The following PCGF3 variants were observed in gnomAD, a reference collection of about 807,000 sequenced individuals.
PCGF3 encodes the protein polycomb group ring finger 3.
Under a neutral mutation model 33.1 loss-of-function variants are expected in PCGF3, and 7 were observed. The ratio of observed to expected loss-of-function variants is 0.21; its 90% confidence interval spans 0.12 to 0.40. The LOEUF is 0.40. PCGF3 is among the 10% of genes least tolerant of loss of function. PCGF3 has a pLI of 1.00. For missense variants in PCGF3, 211 were observed against 313.3 expected (o/e 0.67, Z 2.46); for synonymous variants, 153 against 121.3 (o/e 1.26, Z -1.72).
At chr4:743,605 T>G (rs1744188292) in intron 7 of PCGF3, 21 bp downstream of exon 7, 2 of 1,418,096 alleles carry the variant, frequency 1.4e-6, no homozygotes, top group Non-Finnish European at 2.0e-6. Flanking sequence ...TGCGTGCCCA[T>G]CCAGAAGCCC....
At chr4:737,332 G>A (rs1182701847) in intron 5 of PCGF3, 134 bp from the exon 6 acceptor site, 3 of 662,686 alleles carry the variant, frequency 4.5e-6, no homozygotes, top group Admixed American at 2.3e-5. Context: ...ATTTTTTCAT[G>A]TGTAAACTAG....
At chr4:718,364 C>T (rs968629148) in intron 1 of PCGF3, among the ~76,000 whole-genome samples, 1 of 152,036 alleles carries the variant, frequency 6.6e-6, no homozygotes, top group African/African-American at 2.4e-5. Flanking sequence ...CCTGCGGGGC[C>T]TGGGTTGAGG....
chr4:755,740 T>A (rs1267598977), intron 8 of PCGF3, among the ~76,000 whole-genome samples: 1 of 151,138 alleles, frequency 6.6e-6, no homozygotes, highest in African/African-American at 2.4e-5. Context: ...GTTTCCACAC[T>A]CTCAGGTCCC....
At chr4:738,206 A>G (rs1743918193) in intron 6 of PCGF3, among the ~76,000 whole-genome samples, 1 of 152,216 alleles carries the variant, frequency 6.6e-6, no homozygotes, top group African/African-American at 2.4e-5. Flanking sequence ...TTCTCACTGT[A>G]TCTCAGAAGA....
intron 1 of PCGF3, among the ~76,000 whole-genome samples, chr4:727,854 A>G (rs1451096937): frequency 6.6e-6 from 1 of 152,072 alleles, no homozygotes; most frequent in Non-Finnish European, 1.5e-5. Context: ...TCATAGTGTG[A>G]GTTGGAAAAA....
chr4:742,631 C>G (rs1161808602), intron 6 of PCGF3, among the ~76,000 whole-genome samples: 1 of 152,198 alleles, frequency 6.6e-6, no homozygotes, highest in Admixed American at 6.5e-5. Flanking sequence ...TTGCTTTTCC[C>G]TGGAACCTGC....
intron 1 of PCGF3, among the ~76,000 whole-genome samples, chr4:723,366 T>C (rs543526461): frequency 4.3e-4 from 65 of 151,078 alleles, no homozygotes; most frequent in Non-Finnish European, 8.9e-5. Context: ...GGTGTGATCA[T>C]TGAGAGGAGG....
At chr4:740,858 G>C (rs1744058293) in intron 6 of PCGF3, among the ~76,000 whole-genome samples, 1 of 152,234 alleles carries the variant, frequency 6.6e-6, no homozygotes, top group South Asian at 2.1e-4. Flanking sequence ...GTGTGTGCCA[G>C]GAGTGTGCTG....
chr4:711,445 TTTTTTTTTC>T (rs777772988), intron 1 of PCGF3, among the ~76,000 whole-genome samples: 27,220 of 137,020 alleles, frequency 0.2, 2,822 homozygotes, highest in South Asian at 0.27. Flanking sequence ...TAATTTTTCT[TTTTTTTTTC>T]TTTTTTTTTT....
chr4:765,311 T>G (rs997444302), intron 10 of PCGF3, among the ~76,000 whole-genome samples: 1 of 152,048 alleles, frequency 6.6e-6, no homozygotes, highest in African/African-American at 2.4e-5. Flanking sequence ...TGGGCACCTG[T>G]AGTCTCAGCT....
chr4:753,639 G>A (rs1312031283), intron 8 of PCGF3, among the ~76,000 whole-genome samples: 1 of 144,718 alleles, frequency 6.9e-6, no homozygotes, highest in African/African-American at 2.6e-5. Context: ...CGAGAGTCCG[G>A]TCTCAAAAAA....
intron 8 of PCGF3, among the ~76,000 whole-genome samples, chr4:760,535 C>T (rs1204171917): frequency 2.0e-5 from 3 of 152,214 alleles, no homozygotes; most frequent in South Asian, 2.1e-4. Context: ...CCTTTTGTAT[C>T]TTTTGTAATT....
At chr4:718,162 G>T (rs370925786) in intron 1 of PCGF3, among the ~76,000 whole-genome samples, 4 of 152,176 alleles carry the variant, frequency 2.6e-5, no homozygotes, top group African/African-American at 9.7e-5. Flanking sequence ...CGTGCCGGCC[G>T]CCCACTGACG....
intron 8 of PCGF3, among the ~76,000 whole-genome samples, chr4:760,726 A>G (rs1291237361): frequency 1.3e-5 from 2 of 152,344 alleles, no homozygotes; most frequent in East Asian, 3.9e-4. Flanking sequence ...CGTCCTGGGC[A>G]GATTCCTTTT....
chr4:708,683 G>C (rs1206494677), intron 1 of PCGF3, among the ~76,000 whole-genome samples: 1 of 152,154 alleles, frequency 6.6e-6, no homozygotes. Context: ...TCCGTGTCCA[G>C]CACCTTCAAC....
At chr4:736,827 G>A (rs539082226) in intron 5 of PCGF3, among the ~76,000 whole-genome samples, 3 of 120,756 alleles carry the variant, frequency 2.5e-5, no homozygotes, top group Non-Finnish European at 5.2e-5. Flanking sequence ...CAGTGTCGCG[G>A]GGAACCTGGG....
intron 1 of PCGF3, among the ~76,000 whole-genome samples, chr4:707,699 G>A (rs1430946659): frequency 2.4e-5 from 3 of 122,514 alleles, no homozygotes; most frequent in Non-Finnish European, 3.6e-5. Context: ...TCCCCTGGGG[G>A]CCGGGACCCT....
chr4:761,773 G>A (rs1745072725), intron 9 of PCGF3: 2 of 985,438 alleles, frequency 2.0e-6, no homozygotes, highest in Middle Eastern at 5.2e-4. Context: ...CTTCCAGGCT[G>A]TGGTGTGTAA....
chr4:720,761 C>T lies in PCGF3; in HGVS notation c.-189-9869C>T, dbSNP rs952216488. Among the ~76,000 whole-genome samples, 2 of 151,924 alleles carry T rather than the reference C, an allele frequency of 1.3e-5. No individual in the cohort carries two copies. Among genetic ancestry groups the T allele is most frequent in the African/African-American group, 2.4e-5 (1 of 41,316 alleles). On this transcript the variant is annotated intron_variant, in intron 1 of 10. Transcript: ENST00000362003. The surrounding 1 kb of genome is among the most constrained non-coding windows in gnomAD (Gnocchi z 5.6). ...GGACCCGGCGTGGACGCAGCCCCGA[C>T]GTGAATGGATGTGGTTCCGACGTGA... is the stretch of plus-strand genomic sequence containing the variant.
Sources: gnomAD v4.1 joint callset for allele counts (sites outside exome capture counted in the v4.1 genomes callset) on GRCh38, gnomAD v4.1.1 for gene constraint, Gnocchi (gnomAD v3.1) non-coding constraint, MANE v1.5 for transcripts, NCBI Gene and HGNC (gene_info 2026-07-23, HGNC 2026-07-21) for gene names.